The following NSD1 variants were observed in gnomAD, a reference collection of about 807,000 sequenced individuals.
The protein encoded by NSD1 is histone-lysine N-methyltransferase, H3 lysine-36 specific.
Under a neutral mutation model 242.7 loss-of-function variants are expected in NSD1, and 26 were observed. That is an observed-to-expected ratio of 0.11 (90% CI 0.08 to 0.15). The LOEUF is 0.15. NSD1 is among the 10% of genes least tolerant of loss of function. The pLI is 1.00. For synonymous variants in NSD1, 1,106 were observed against 1,178.1 expected, an observed-to-expected ratio of 0.94 and a Z score of 1.25; for missense variants, 2,495 against 3,272.8, an observed-to-expected ratio of 0.76 and a Z score of 5.80.
chr5:177,239,229 A>G (rs1765671368), intron 7 of NSD1, among the ~76,000 whole-genome samples: 1 of 152,238 alleles, frequency 6.6e-6, no homozygotes. Flanking sequence ...TGGGTATAAT[A>G]AAAAAGATTT....
intron 2 of NSD1, among the ~76,000 whole-genome samples, chr5:177,154,554 A>G (rs188114870): frequency 6.6e-6 from 1 of 152,098 alleles, no homozygotes; most frequent in East Asian, 1.9e-4. Flanking sequence ...CAGGTAACGC[A>G]CCTCCAATTC....
chr5:177,173,089 C>T (rs1038175712), intron 2 of NSD1, among the ~76,000 whole-genome samples: 5 of 151,074 alleles, frequency 3.3e-5, no homozygotes, highest in South Asian at 4.2e-4. Context: ...GTCAGGAGAT[C>T]GAAACCATCC....
At chr5:177,196,976 T>C (rs1255537625) in intron 3 of NSD1, among the ~76,000 whole-genome samples, 2 of 152,192 alleles carry the variant, frequency 1.3e-5, no homozygotes, top group African/African-American at 4.8e-5. Context: ...ATTTATAAAT[T>C]GGGCATTGTG....
intron 2 of NSD1, among the ~76,000 whole-genome samples, chr5:177,149,367 C>G (rs1473267797): frequency 6.6e-6 from 1 of 150,820 alleles, no homozygotes; most frequent in Non-Finnish European, 1.5e-5. Context: ...TATAGGTGTG[C>G]ATCACCACGC....
intron 12 of NSD1, 82 bp downstream of exon 12, chr5:177,251,935 A>G (rs1756001414): frequency 1.2e-5 from 19 of 1,561,142 alleles, no homozygotes; most frequent in South Asian, 4.5e-5. Flanking sequence ...TGGAGACACT[A>G]TTTTGTGGCA....
chr5:177,147,216 C>T (rs1382949498), intron 2 of NSD1, among the ~76,000 whole-genome samples: 1 of 152,062 alleles, frequency 6.6e-6, no homozygotes, highest in Non-Finnish European at 1.5e-5. Context: ...AGCGATCCTC[C>T]CACCTCAGCC....
rs746955799 is a variant in NSD1 at position 177,239,768 on chromosome 5, G to C, written c.4205G>C (p.Ser1402Thr). Residue 1402 changes from serine to threonine, a missense_variant, in exon 8 of 23, where the codon AGT (serine) becomes ACT (threonine). Around this residue, in one of 19 missense-constraint regions of NSD1, gnomAD observed 100 missense variants for 190.7 expected, o/e 0.52. Coordinates refer to ENST00000439151, the MANE Select transcript of NSD1 (RefSeq NM_022455.5). The stretch of plus-strand genomic sequence containing the variant: ...ACATGCATTTCAGGAAATTATGAAA[G>C]TAAACGTCAAAGAAAACCAACTAAG... ...LLVKTPGNYE[S>T]KRQRKPTKKL... 6.2e-7 allele frequency: 1 copy of C among 1,602,996 alleles called. No individual in the cohort carries two copies. The highest frequency in any genetic ancestry group is 1.7e-5 in the Admixed American group (1 of 59,928).
intron 2 of NSD1, among the ~76,000 whole-genome samples, chr5:177,184,016 C>A (rs564040679): frequency 2.6e-5 from 4 of 152,294 alleles, no homozygotes; most frequent in Admixed American, 2.6e-4. Flanking sequence ...ATATGTACCA[C>A]ATTTGCTTTA....
chr5:177,176,732 A>G (rs764123868), intron 2 of NSD1, among the ~76,000 whole-genome samples: 1 of 152,188 alleles, frequency 6.6e-6, no homozygotes, highest in Non-Finnish European at 1.5e-5. Context: ...GCTCATTCAT[A>G]TAAGGGATAC....
chr5:177,214,204 C>T (rs1763586391), intron 5 of NSD1, among the ~76,000 whole-genome samples: 1 of 152,040 alleles, frequency 6.6e-6, no homozygotes, highest in Non-Finnish European at 1.5e-5. Flanking sequence ...TGGTGGCGCG[C>T]TCCTGTAATA....
chr5:177,136,990 ATATG>A, intron 2 of NSD1: 1 of 663,136 alleles, frequency 1.5e-6, no homozygotes, highest in South Asian at 1.6e-5. Flanking sequence ...TGTATGTGTG[ATATG>A]TATATATTCC....
intron 2 of NSD1, among the ~76,000 whole-genome samples, chr5:177,165,813 G>A (rs1407556357): frequency 6.6e-6 from 1 of 151,922 alleles, no homozygotes; most frequent in African/African-American, 2.4e-5. Flanking sequence ...CTCCCACTGT[G>A]TTGCCCAGGC....
At chr5:177,159,554 G>C (rs980021003) in intron 2 of NSD1, among the ~76,000 whole-genome samples, 2 of 150,842 alleles carry the variant, frequency 1.3e-5, no homozygotes, top group African/African-American at 4.9e-5. Context: ...AAAGTGCTGA[G>C]ATTACATGCA....
chr5:177,270,173 T>TTGTCTTGTCC (rs1757837587), intron 16 of NSD1, among the ~76,000 whole-genome samples: 1 of 152,060 alleles, frequency 6.6e-6, no homozygotes, highest in Non-Finnish European at 1.5e-5. Context: ...TTGTCTTGTC[T>TTGTCTTGTCC]TGTCTTGTCT....
rs758535770 is a variant in NSD1, at chr5:177,135,652, C to G, written c.549C>G (p.Ile183Met). The G allele has an allele frequency of 6.2e-7, 1 of 1,614,196 alleles. No individual in the cohort carries two copies. Among genetic ancestry groups the G allele is most frequent in the Admixed American group, 1.7e-5 (1 of 60,014 alleles). Reference protein sequence around the residue: ...PVTEDESIEEIFEETQTNATC... With the variant: ...PVTEDESIEEMFEETQTNATC... Reference sequence around the variant, plus strand: ...CAGAGGATGAGAGTATAGAGGAGATCTTTGAGGAAACTCAGACCAATGCCA... The same window carrying G: ...CAGAGGATGAGAGTATAGAGGAGATGTTTGAGGAAACTCAGACCAATGCCA... Residue 183 changes from isoleucine (I) to methionine (M), a missense_variant, in exon 2 of 23, where the codon ATC becomes ATG. Transcript: ENST00000439151.
Position 177,273,765 on chromosome 5 carries a change from C to A in NSD1, c.5603C>A (p.Pro1868Gln), listed in dbSNP as rs770329008. ...GACCGAAAGAATGACAAGAAGCCAC[C>A]ACCTTATAAACATATAAAGGTGAGG... ...QEDRKNDKKP[P>Q]PYKHIKVNRP... Residue 1868 changes from proline to glutamine, a missense_variant, in exon 17 of 23, where the codon CCA (proline) becomes CAA (glutamine). By Grantham distance (76) the Pro-to-Gln change is moderately conservative (BLOSUM62 -1). Around this residue, in one of 19 missense-constraint regions of NSD1, gnomAD observed 114 missense variants for 247.4 expected, o/e 0.46. Coordinates refer to ENST00000439151, the MANE Select transcript of NSD1 (RefSeq NM_022455.5). 1 of 1,612,548 alleles carries A rather than the reference C, an allele frequency of 6.2e-7. No homozygotes were observed. The highest frequency in any genetic ancestry group is 1.3e-5 in the African/African-American group (1 of 74,860).
rs545812529 is a variant in NSD1 at position 177,167,903 on chromosome 5, A to G, written c.928-23981A>G. ...ATTGTTTTGGCTGTTTAGGCTTCCT[A>G]CAGTTGCATATGATTTTTACTTTTT... is the stretch of plus-strand genomic sequence containing the variant. On this transcript the variant is annotated intron_variant, in intron 2 of 22. Coordinates refer to ENST00000439151, the MANE Select transcript of NSD1 (RefSeq NM_022455.5). Among the ~76,000 whole-genome samples the G allele has an allele frequency of 3.3e-5, 5 of 152,276 alleles. No homozygotes were observed. The East Asian group carries it at 9.6e-4, about 29-fold the overall frequency.
intron 5 of NSD1, among the ~76,000 whole-genome samples, chr5:177,218,113 A>G (rs1007422793): frequency 6.6e-6 from 1 of 152,060 alleles, no homozygotes; most frequent in African/African-American, 2.4e-5. Context: ...AGGTTTTACT[A>G]TGTTGCCTAG....
intron 12 of NSD1, among the ~76,000 whole-genome samples, chr5:177,254,155 C>G (rs1756232250): frequency 6.6e-6 from 1 of 152,120 alleles, no homozygotes; most frequent in Non-Finnish European, 1.5e-5. Context: ...TCCTGTTGGT[C>G]AGGCTGGTCT....
Sources: allele counts gnomAD v4.1 joint callset (sites outside exome capture counted in the v4.1 genomes callset), GRCh38; gene constraint gnomAD v4.1.1; regional missense constraint gnomAD v4.1.1; transcripts MANE v1.5; gene names NCBI Gene and HGNC (gene_info 2026-07-23, HGNC 2026-07-21).